The following MYO3B variants were observed in gnomAD, a reference collection of about 807,000 sequenced individuals.
The protein encoded by MYO3B is myosin IIIB.
Under a neutral mutation model 174.6 loss-of-function variants are expected in MYO3B, and 156 were observed. The ratio of observed to expected loss-of-function variants is 0.89; its 90% CI spans 0.78 to 1.02. The LOEUF is 1.02. Ranked by LOEUF, MYO3B falls within the 50% of genes least tolerant of loss-of-function variation. The pLI is 0.00. For synonymous variants in MYO3B, 563 were observed against 569.1 expected (o/e 0.99, Z 0.15); for missense variants, 1,632 against 1,639.4 (o/e 1.00, Z 0.08).
chr2:170,361,305 G>C (rs2094159077), intron 8 of MYO3B, among the ~76,000 whole-genome samples: 1 of 152,196 alleles, frequency 6.6e-6, no homozygotes, highest in Non-Finnish European at 1.5e-5. Context: ...GTGTTTATCT[G>C]TGCCCTGACT....
chr2:170,563,168 TCAAA>T (rs1389127155), intron 32 of MYO3B, among the ~76,000 whole-genome samples: 2 of 144,898 alleles, frequency 1.4e-5, no homozygotes, highest in Non-Finnish European at 3.0e-5. Flanking sequence ...ACCCCAAGAA[TCAAA>T]CAGAATCTCA....
At chr2:170,632,199 C>A (rs555938171) in intron 32 of MYO3B, among the ~76,000 whole-genome samples, 1 of 152,184 alleles carries the variant, frequency 6.6e-6, no homozygotes, top group African/African-American at 2.4e-5. Flanking sequence ...AGCACCACAT[C>A]GCACTTGTTC....
At chr2:170,332,305 T>A (rs971392662) in intron 7 of MYO3B, 1 of 152,092 alleles carries the variant, frequency 6.6e-6, no homozygotes, top group Admixed American at 6.6e-5. Context: ...AATCAAGGCA[T>A]GTTAGGAAGC....
At chr2:170,365,910 C>T (rs1195381506) in intron 8 of MYO3B, among the ~76,000 whole-genome samples, 1 of 152,144 alleles carries the variant, frequency 6.6e-6, no homozygotes, top group South Asian at 2.1e-4. Context: ...GAGATAAATT[C>T]CTTGTCTGTG....
intron 32 of MYO3B, chr2:170,640,393 C>T (rs1037968212): frequency 1.3e-5 from 2 of 152,150 alleles, no homozygotes; most frequent in Non-Finnish European, 2.9e-5. Flanking sequence ...TACAACCCTA[C>T]AAGGAAGGGT....
intron 22 of MYO3B, among the ~76,000 whole-genome samples, chr2:170,431,055 A>G (rs1218644682): frequency 1.3e-5 from 2 of 152,212 alleles, no homozygotes; most frequent in African/African-American, 2.4e-5. Context: ...ACCTCATGAC[A>G]TGGGTGCTGA....
intron 28 of MYO3B, among the ~76,000 whole-genome samples, chr2:170,514,118 C>T (rs561589136): frequency 2.4e-4 from 36 of 152,268 alleles, no homozygotes; most frequent in Admixed American, 1.6e-3. Context: ...GAGGGGCAGT[C>T]CTGCTGCCAG....
intron 8 of MYO3B, chr2:170,350,516 C>T (rs1370946412): frequency 1.3e-5 from 2 of 152,076 alleles, no homozygotes; most frequent in African/African-American, 4.8e-5. Flanking sequence ...GAAGAGAAGC[C>T]ACTTCTGAAC....
chr2:170,578,672 T>C (rs1018835018), intron 32 of MYO3B, among the ~76,000 whole-genome samples: 1 of 152,388 alleles, frequency 6.6e-6, no homozygotes, highest in Non-Finnish European at 1.5e-5. Flanking sequence ...CCACAGTTTG[T>C]ACTCATTTCT....
At chr2:170,522,153 A>G (rs1488718131) in intron 30 of MYO3B, among the ~76,000 whole-genome samples, 2 of 152,148 alleles carry the variant, frequency 1.3e-5, no homozygotes, top group East Asian at 1.9e-4. Flanking sequence ...CCTGGATGAT[A>G]CCATCTCTCA....
At position 170,217,395 on chromosome 2, in the gene MYO3B, G is replaced by A. The variant is rs2092842367; in HGVS notation, c.603G>A (p.Glu201=). The A allele has an allele frequency of 1.9e-6, 3 of 1,613,270 alleles. No individual in the cohort carries two copies. Among genetic ancestry groups the A allele is most frequent in the East Asian group, 4.5e-5 (2 of 44,878 alleles). The change falls in exon 6 of 35, where the codon GAG becomes GAA. Residue 201 remains glutamate, a splice_region_variant and synonymous_variant. Transcript: ENST00000408978. ...SVGTPFWMAP[E]VIACEQQYDS... is the part of the protein sequence containing the mutation. Reference sequence around the variant, plus strand: ...GCACCCCGTTCTGGATGGCCCCTGAGGTAAGCTGGAAATACCTAGTTCTTT... The same window carrying A: ...GCACCCCGTTCTGGATGGCCCCTGAAGTAAGCTGGAAATACCTAGTTCTTT...
At chr2:170,284,410 A>G (rs1328173845) in intron 7 of MYO3B, among the ~76,000 whole-genome samples, 1 of 152,148 alleles carries the variant, frequency 6.6e-6, no homozygotes, top group Admixed American at 6.5e-5. Context: ...AATACATGTC[A>G]GTATGACAGC....
intron 25 of MYO3B, among the ~76,000 whole-genome samples, chr2:170,490,270 C>T (rs1446411633): frequency 3.3e-5 from 5 of 152,046 alleles, no homozygotes; most frequent in Admixed American, 6.5e-5. Flanking sequence ...CCTCGTGATC[C>T]GCCCTCCTCG....
chr2:170,423,838 C>A (rs1184061540), intron 22 of MYO3B, among the ~76,000 whole-genome samples: 2 of 152,074 alleles, frequency 1.3e-5, no homozygotes, highest in Non-Finnish European at 2.9e-5. Flanking sequence ...CTTGGCCTCC[C>A]AAATTACTGG....
intron 8 of MYO3B, among the ~76,000 whole-genome samples, chr2:170,356,203 C>T (rs558067951): frequency 2.9e-4 from 44 of 151,834 alleles, no homozygotes; most frequent in Admixed American, 1.2e-3. Context: ...CCTCGTGATC[C>T]GCCCACCTCG....
At chr2:170,269,467 A>G (rs1425153792) in intron 7 of MYO3B, among the ~76,000 whole-genome samples, 1 of 152,158 alleles carries the variant, frequency 6.6e-6, no homozygotes, top group African/African-American at 2.4e-5. Context: ...AAGACTGATA[A>G]TAAGTGTTGG....
intron 28 of MYO3B, among the ~76,000 whole-genome samples, chr2:170,509,015 G>C (rs1345562908): frequency 7.3e-6 from 1 of 137,278 alleles, no homozygotes; most frequent in East Asian, 2.1e-4. Context: ...AACTTCACTG[G>C]GGGGGAAAAA....
chr2:170,577,588 T>C (rs1211587109), intron 32 of MYO3B, among the ~76,000 whole-genome samples: 1 of 152,226 alleles, frequency 6.6e-6, no homozygotes, highest in East Asian at 1.9e-4. Context: ...TGATCAGTAT[T>C]AGGCTGTTGA....
chr2:170,219,210 T>G (rs2092864261), intron 6 of MYO3B, among the ~76,000 whole-genome samples: 2 of 152,254 alleles, frequency 1.3e-5, no homozygotes, highest in South Asian at 4.1e-4. Flanking sequence ...CACCACGTCC[T>G]TAGACCCTCC....
Sources: allele counts gnomAD v4.1 joint callset (sites outside exome capture counted in the v4.1 genomes callset), GRCh38; gene constraint gnomAD v4.1.1; transcripts MANE v1.5; gene names NCBI Gene and HGNC (gene_info 2026-07-23, HGNC 2026-07-21).